Variants in PCGF5 observed in about 807,000 individuals in gnomAD.
PCGF5 encodes polycomb group RING finger protein 5.
In PCGF5, 9 loss-of-function variants were observed where a neutral mutation model predicts 44.3. The ratio of observed to expected loss-of-function variants is 0.20; its 90% CI spans 0.12 to 0.35. The LOEUF is 0.35. Ranked by LOEUF, PCGF5 falls within the 10% of genes least tolerant of loss-of-function variation. The pLI, the probability that PCGF5 is intolerant of heterozygous loss-of-function variation, is 1.00. For missense variants in PCGF5, 146 were observed against 305.3 expected (o/e 0.48, Z 3.89); for synonymous variants, 95 against 102.5 (o/e 0.93, Z 0.44).
intron 1 of PCGF5, 94 bp from the exon 2 acceptor site, chr10:91,222,595 C>T (rs952616059): frequency 2.1e-6 from 1 of 473,950 alleles, no homozygotes; most frequent in African/African-American, 2.0e-5. Context: ...CAATTGGGAA[C>T]ATGTAACACT....
chr10:91,277,725 T>C (rs1030440132), intron 9 of PCGF5, among the ~76,000 whole-genome samples: 7 of 152,192 alleles, frequency 4.6e-5, no homozygotes, highest in Non-Finnish European at 1.0e-4. Context: ...TTCAATATTT[T>C]TAAAGGATCA....
intron 2 of PCGF5, among the ~76,000 whole-genome samples, chr10:91,224,897 G>A (rs752942939): frequency 1.5e-4 from 23 of 152,090 alleles, no homozygotes; most frequent in Non-Finnish European, 1.9e-4. Flanking sequence ...TCCGTTTCCC[G>A]TTTCACCAAG....
At chr10:91,218,223 A>G (rs1844582010), upstream of PCGF5, among the ~76,000 whole-genome samples, 1 of 152,228 alleles carries the variant, frequency 6.6e-6, no homozygotes, top group Non-Finnish European at 1.5e-5. Flanking sequence ...TTATGAATTC[A>G]CCACGTCTCA....
At chr10:91,214,205 G>T (rs1844501480) in intron 1 of PCGF5, among the ~76,000 whole-genome samples, 1 of 152,096 alleles carries the variant, frequency 6.6e-6, no homozygotes, top group African/African-American at 2.4e-5. Context: ...TGGAGGTTGA[G>T]GTGGGAGGAT....
At chr10:91,264,358 A>T (rs1845997651) in intron 7 of PCGF5, 73 bp from the exon 8 acceptor site, 1 of 1,263,978 alleles carries the variant, frequency 7.9e-7, no homozygotes, top group African/African-American at 1.5e-5. Context: ...TATTTTTTGA[A>T]ATTTCAAAAA....
intron 6 of PCGF5, among the ~76,000 whole-genome samples, chr10:91,253,007 A>G (rs1589398222): frequency 1.3e-5 from 2 of 151,936 alleles, no homozygotes; most frequent in East Asian, 3.9e-4. Flanking sequence ...TTTATAAATG[A>G]CTTTTACTAA....
chr10:91,168,929 GAAAAAA>G (rs57345364), intron 1 of PCGF5, among the ~76,000 whole-genome samples: 628 of 56,178 alleles, frequency 0.011, 5 homozygotes, highest in African/African-American at 0.043. Context: ...CTCCGTCTCA[GAAAAAA>G]AAAAAAAAAA....
At chr10:91,220,576 CGGGGCGGGCGGT>C (rs1844641536), upstream of PCGF5, 1 of 148,816 alleles carries the variant, frequency 6.7e-6, no homozygotes, top group Admixed American at 6.7e-5. Flanking sequence ...GGCCGGGCGG[CGGGGCGGGCGGT>C]GCCGCCGGTT....
At chr10:91,178,536 C>T (rs1843756511) in intron 1 of PCGF5, among the ~76,000 whole-genome samples, 1 of 151,844 alleles carries the variant, frequency 6.6e-6, no homozygotes, top group Admixed American at 6.6e-5. Context: ...ACCACAAGTG[C>T]AATTCACCAC....
chr10:91,185,662 G>T (rs1843909100), intron 1 of PCGF5, among the ~76,000 whole-genome samples: 1 of 152,206 alleles, frequency 6.6e-6, no homozygotes. Context: ...CTGAGTGGCT[G>T]CTCTGCCAAG....
At chr10:91,201,944 G>GA (rs1231179996) in intron 1 of PCGF5, among the ~76,000 whole-genome samples, 4 of 152,108 alleles carry the variant, frequency 2.6e-5, no homozygotes, top group Non-Finnish European at 5.9e-5. Context: ...CTATGCTTTT[G>GA]AAATTGTTAG....
intron 1 of PCGF5, among the ~76,000 whole-genome samples, chr10:91,178,201 G>A (rs1217886828): frequency 6.6e-6 from 1 of 152,112 alleles, no homozygotes; most frequent in Non-Finnish European, 1.5e-5. Context: ...AAAAAAATAA[G>A]TTAGTGTACA....
intron 1 of PCGF5, among the ~76,000 whole-genome samples, chr10:91,212,833 C>T (rs1185940212): frequency 1.3e-5 from 2 of 151,964 alleles, no homozygotes; most frequent in African/African-American, 4.8e-5. Context: ...TCTATTGGGA[C>T]GTTTGGATTT....
intron 2 of PCGF5, 31 bp downstream of exon 2, chr10:91,223,014 CA>C: frequency 2.2e-6 from 3 of 1,369,550 alleles, no homozygotes; most frequent in Non-Finnish European, 3.1e-6. Context: ...TTATACCTAT[CA>C]AAGTTTATAT....
chr10:91,280,921 TA>T lies in PCGF5; in HGVS notation c.*2609del, dbSNP rs1209655511. ...AATCTGTAACATCAGAGACTAAAAC[TA>T]AAAGTTTTCTTTAATCTGTTGTTTC... On this transcript the variant is annotated 3_prime_UTR_variant, in exon 10 of 10. Coordinates refer to ENST00000336126, the MANE Select transcript of PCGF5 (RefSeq NM_032373.5). The T allele has an allele frequency of 6.6e-6, 1 of 152,474 alleles. No individual in the cohort carries two copies. Among genetic ancestry groups the T allele is most frequent in the Non-Finnish European group, 1.5e-5 (1 of 67,900 alleles). The allele number at this position is 152,474 out of a possible 1,614,324, so 9.4% of individuals were successfully genotyped here.
chr10:91,277,775 T>C (rs1846352657), intron 9 of PCGF5, among the ~76,000 whole-genome samples: 1 of 152,164 alleles, frequency 6.6e-6, no homozygotes, highest in Non-Finnish European at 1.5e-5. Context: ...TTCAAACTTG[T>C]AAGAAATATG....
intron 2 of PCGF5, among the ~76,000 whole-genome samples, chr10:91,237,420 G>T (rs1845194180): frequency 1.3e-5 from 2 of 152,126 alleles, no homozygotes. Flanking sequence ...ACAGTTTTTG[G>T]TATTAGTCTC....
intron 1 of PCGF5, among the ~76,000 whole-genome samples, chr10:91,182,163 T>G (rs1843830673): frequency 6.6e-6 from 1 of 151,796 alleles, no homozygotes; most frequent in African/African-American, 2.4e-5. Flanking sequence ...CTGATTGTGT[T>G]TGTTTGACCT....
intron 1 of PCGF5, among the ~76,000 whole-genome samples, chr10:91,174,737 G>A (rs1232500234): frequency 6.6e-6 from 1 of 152,118 alleles, no homozygotes; most frequent in Non-Finnish European, 1.5e-5. Flanking sequence ...GAAAAATTAT[G>A]GCTGTTAAAA....
Sources: allele counts gnomAD v4.1 joint callset (sites outside exome capture counted in the v4.1 genomes callset), GRCh38; gene constraint gnomAD v4.1.1; transcripts MANE v1.5; gene names NCBI Gene and HGNC (gene_info 2026-07-23, HGNC 2026-07-21).